C1orf21: variants seen among roughly 807,000 people sequenced by gnomAD.
The protein encoded by C1orf21 is chromosome 1 open reading frame 21, also known as uncharacterized protein C1orf21.
Under a neutral mutation model 18.7 loss-of-function variants are expected in C1orf21, and 3 were observed. The ratio of observed to expected loss-of-function variants is 0.16; its 90% CI spans 0.07 to 0.42. C1orf21 has a LOEUF of 0.42. C1orf21 is among the 10% of genes least tolerant of loss of function. The pLI is 0.99. For missense variants in C1orf21, 104 were observed against 143.6 expected (o/e 0.72, Z 1.41); for synonymous variants, 41 against 46.4 (o/e 0.88, Z 0.47).
chr1:184,503,527 T>C (rs555050924), intron 2 of C1orf21, among the ~76,000 whole-genome samples: 78 of 152,224 alleles, frequency 5.1e-4, no homozygotes, highest in Non-Finnish European at 1.1e-3. Flanking sequence ...CATCCCTGCA[T>C]CGCTTAGTAC....
intron 1 of C1orf21, among the ~76,000 whole-genome samples, chr1:184,432,856 A>C (rs1656787050): frequency 6.6e-6 from 1 of 152,178 alleles, no homozygotes; most frequent in Non-Finnish European, 1.5e-5. Flanking sequence ...TTATTGAAGG[A>C]AAAGGGAATA....
chr1:184,488,742 G>T (rs1329305463), intron 2 of C1orf21, among the ~76,000 whole-genome samples: 1 of 152,184 alleles, frequency 6.6e-6, no homozygotes, highest in Non-Finnish European at 1.5e-5. Context: ...AGGCGAGCAG[G>T]TTGCCTGAGC....
intron 5 of C1orf21, among the ~76,000 whole-genome samples, chr1:184,619,183 G>T (rs990603382): frequency 6.6e-6 from 1 of 152,172 alleles, no homozygotes; most frequent in Non-Finnish European, 1.5e-5. Context: ...CATTCTTCCT[G>T]ATAAGAAATT....
intron 3 of C1orf21, among the ~76,000 whole-genome samples, chr1:184,551,397 A>G (rs1282276704): frequency 6.6e-6 from 1 of 152,206 alleles, no homozygotes; most frequent in Non-Finnish European, 1.5e-5. Flanking sequence ...TGAGGAACAA[A>G]ACCAACTCAA....
At chr1:184,462,446 C>A (rs1026456173) in intron 1 of C1orf21, among the ~76,000 whole-genome samples, 2 of 152,038 alleles carry the variant, frequency 1.3e-5, no homozygotes, top group African/African-American at 4.8e-5. Flanking sequence ...TTGTAATGAG[C>A]CAAACCTGAC....
intron 1 of C1orf21, among the ~76,000 whole-genome samples, chr1:184,476,541 C>A (rs930826446): frequency 6.6e-6 from 1 of 152,112 alleles, no homozygotes; most frequent in African/African-American, 2.4e-5. Context: ...ATTTGAGGAG[C>A]CACCTTGGAT....
At chr1:184,392,613 G>A (rs535300684) in intron 1 of C1orf21, among the ~76,000 whole-genome samples, 1 of 152,098 alleles carries the variant, frequency 6.6e-6, no homozygotes, top group African/African-American at 2.4e-5. Context: ...AATAACTGAA[G>A]TAAAGGAAAG....
intron 5 of C1orf21, among the ~76,000 whole-genome samples, chr1:184,607,693 GTGTA>G (rs1226085496): frequency 2.7e-5 from 4 of 148,464 alleles, no homozygotes; most frequent in African/African-American, 7.3e-5. Flanking sequence ...ATATATGTGT[GTGTA>G]TATATATACA....
chr1:184,488,754 C>T (rs1044785100), intron 2 of C1orf21, among the ~76,000 whole-genome samples: 1 of 152,198 alleles, frequency 6.6e-6, no homozygotes, highest in African/African-American at 2.4e-5. Flanking sequence ...TGCCTGAGCT[C>T]AGGAGTTCGC....
chr1:184,571,289 T>A, intron 3 of C1orf21, among the ~76,000 whole-genome samples: 1 of 98,872 alleles, frequency 1.0e-5, no homozygotes, highest in Non-Finnish European at 1.8e-5. Context: ...AGAGCGAGAC[T>A]CCGTCTCAAA....
intron 3 of C1orf21, among the ~76,000 whole-genome samples, chr1:184,551,860 C>T (rs942312439): frequency 9.3e-5 from 14 of 150,800 alleles, no homozygotes; most frequent in South Asian, 8.4e-4. Flanking sequence ...TAAAATTAGC[C>T]GGGTGTGGTG....
intron 3 of C1orf21, among the ~76,000 whole-genome samples, chr1:184,513,470 A>G (rs1191904085): frequency 6.6e-6 from 1 of 152,242 alleles, no homozygotes; most frequent in Non-Finnish European, 1.5e-5. Flanking sequence ...AGTAGAGGAC[A>G]CTGGTTGATA....
At chr1:184,556,450 C>G (rs897391719) in intron 3 of C1orf21, among the ~76,000 whole-genome samples, 1 of 152,150 alleles carries the variant, frequency 6.6e-6, no homozygotes, top group African/African-American at 2.4e-5. Context: ...GAACAGGAGC[C>G]TCTGCCAGAG....
intron 2 of C1orf21, among the ~76,000 whole-genome samples, chr1:184,481,987 A>G (rs146762117): frequency 3.2e-4 from 49 of 152,364 alleles, no homozygotes; most frequent in Admixed American, 2.6e-3. Context: ...AAATCCCACA[A>G]TGATCACAGA....
At chr1:184,602,993 C>T (rs1281040625) in intron 5 of C1orf21, among the ~76,000 whole-genome samples, 1 of 152,178 alleles carries the variant, frequency 6.6e-6, no homozygotes, top group Non-Finnish European at 1.5e-5. Context: ...GGGCCTTGTA[C>T]ATCTTTTTGG....
intron 1 of C1orf21, among the ~76,000 whole-genome samples, chr1:184,427,935 C>T (rs1656667622): frequency 6.6e-6 from 1 of 152,130 alleles, no homozygotes; most frequent in Non-Finnish European, 1.5e-5. Context: ...GCCTTATGTC[C>T]ACTGGACTCC....
intron 1 of C1orf21, chr1:184,408,380 C>T (rs1656281354): frequency 1.3e-5 from 2 of 152,188 alleles, no homozygotes; most frequent in Admixed American, 1.3e-4. Flanking sequence ...CATTACTTTT[C>T]ATTAAATAGA....
rs1486851756 is a variant in C1orf21, at chr1:184,620,179, T to G, written c.*623T>G. ...AGTGACGTAGGAGTGAGTGGCAGGT[T>G]GTTTGATTTAATAGGTATCTTAATC... On this transcript the variant is annotated 3_prime_UTR_variant, in exon 6 of 6. Coordinates refer to ENST00000235307, the MANE Select transcript of C1orf21 (RefSeq NM_030806.4). The G allele has an allele frequency of 1.3e-5, 2 of 152,658 alleles. No homozygotes were observed. Among genetic ancestry groups the G allele is most frequent in the Non-Finnish European group, 2.9e-5 (2 of 68,054 alleles). The allele number at this position is 152,658 out of a possible 1,614,324, so 9.5% of individuals were successfully genotyped here. A position where few individuals can be genotyped will look rare whatever the true frequency, so the allele number is the denominator to read the frequency against.
chr1:184,464,065 C>T (rs1274615642), intron 1 of C1orf21, among the ~76,000 whole-genome samples: 1 of 152,172 alleles, frequency 6.6e-6, no homozygotes, highest in African/African-American at 2.4e-5. Context: ...CTGGCTGGAG[C>T]AAGATGCCTA....
Sources: gnomAD v4.1 joint callset for allele counts (sites outside exome capture counted in the v4.1 genomes callset) on GRCh38, gnomAD v4.1.1 for gene constraint, MANE v1.5 for transcripts, NCBI Gene and HGNC (gene_info 2026-07-23, HGNC 2026-07-21) for gene names.